Variants in CNR2 observed in about 807,000 individuals in gnomAD.
CNR2 encodes cannabinoid receptor 2 (macrophage).
For missense variants in CNR2, 379 were observed against 439.9 expected (o/e 0.86, Z 1.24); for synonymous variants, 172 against 182.2 (o/e 0.94, Z 0.45).
At chr1:23,888,239 G>A (rs1189072225) in intron 1 of CNR2, among the ~76,000 whole-genome samples, 1 of 152,186 alleles carries the variant, frequency 6.6e-6, no homozygotes, top group Non-Finnish European at 1.5e-5. Flanking sequence ...CCACAACAGA[G>A]ACAGACTTAG....
chr1:23,888,769 G>A (rs1434123467), intron 1 of CNR2, among the ~76,000 whole-genome samples: 3 of 152,084 alleles, frequency 2.0e-5, no homozygotes, highest in Admixed American at 2.0e-4. Context: ...TCAGGAGTTT[G>A]AGACCAGCCT....
intron 1 of CNR2, among the ~76,000 whole-genome samples, chr1:23,883,435 T>C (rs961914274): frequency 6.6e-6 from 1 of 152,252 alleles, no homozygotes; most frequent in African/African-American, 2.4e-5. Context: ...CAATTCTAAA[T>C]GTCCATCAAC....
In CNR2 at chr1:23,874,887, G is replaced by A. The variant is rs201829495; in HGVS notation, c.731C>T (p.Ala244Val). The change falls in exon 2 of 2, where the codon GCC becomes GTC. Residue 244 changes from alanine (A) to valine (V), a missense_variant. Physicochemically the swap from Ala to Val is moderately conservative, Grantham distance 64. Transcript: ENST00000374472. ...MARMRLDVRLAKTLGLVLAVL... is the reference protein window; with the variant it reads ...MARMRLDVRLVKTLGLVLAVL... ...AGCCAACACTAGCCCTAGGGTCTTG[G>A]CCAACCTCACATCCAGCCTCATTCG... 37 of 1,613,992 alleles carry A rather than the reference G, an allele frequency of 2.3e-5. No homozygotes were observed. The highest frequency in any genetic ancestry group is 2.9e-5 in the Non-Finnish European group (34 of 1,179,998).
At chr1:23,876,352 A>G (rs6672499) in intron 1 of CNR2, among the ~76,000 whole-genome samples, 94,949 of 150,310 alleles carry the variant, frequency 0.63, 30,322 homozygotes, top group African/African-American at 0.75. Context: ...GACTACAGGC[A>G]CCCACCACAC....
At chr1:23,888,210 T>C (rs1640122783) in intron 1 of CNR2, among the ~76,000 whole-genome samples, 1 of 152,194 alleles carries the variant, frequency 6.6e-6, no homozygotes. Context: ...CCGTTCGGTC[T>C]CTCTGGTTCC....
rs1384157160 is a variant in CNR2, at chr1:23,872,685, T to A, written c.*1850A>T. 2 of 152,096 alleles carry A rather than the reference T, an allele frequency of 1.3e-5. No individual in the cohort carries two copies. Among genetic ancestry groups the A allele is most frequent in the Admixed American group, 6.6e-5 (1 of 15,234 alleles). 9.4% of individuals were successfully genotyped at this position (152,096 alleles called of 1,614,324 possible). A position where few individuals can be genotyped will look rare whatever the true frequency, so the allele number is the denominator to read the frequency against. On this transcript the variant is annotated 3_prime_UTR_variant, in exon 2 of 2. Transcript: ENST00000374472. ...CTGTAAAATGAAGATAACTAAGACC[T>A]TCTTATTAGGTTGTTGGGAAACATG...
chr1:23,881,018 G>C (rs954921577), intron 1 of CNR2, among the ~76,000 whole-genome samples: 1 of 151,744 alleles, frequency 6.6e-6, no homozygotes, highest in African/African-American at 2.4e-5. Flanking sequence ...GCTTACACCT[G>C]TAATCCCAGC....
In CNR2 at chr1:23,874,623, GCTT is replaced by G. The variant is rs1461776388; in HGVS notation, c.992_994del (p.Glu331del). The stretch of plus-strand genomic sequence containing the variant: ...TGTCTCGGTGACTGAGGATCTCGGG[GCTT>G]CTTCTTTTGCCTCTGACCCAAGGCC... On this transcript the variant is annotated inframe_deletion, in exon 2 of 2. Transcript: ENST00000374472. The G allele has an allele frequency of 1.2e-6, 2 of 1,614,114 alleles. No individual in the cohort carries two copies. The highest frequency in any genetic ancestry group is 2.7e-5 in the African/African-American group (2 of 75,022).
At chr1:23,880,906 TA>T (rs1239763049) in intron 1 of CNR2, among the ~76,000 whole-genome samples, 2 of 149,484 alleles carry the variant, frequency 1.3e-5, no homozygotes, top group Non-Finnish European at 3.0e-5. Flanking sequence ...AATTTAAATA[TA>T]ATTATAAATA....
At chr1:23,909,757 G>A (rs987387246) in intron 1 of CNR2, among the ~76,000 whole-genome samples, 8 of 152,172 alleles carry the variant, frequency 5.3e-5, no homozygotes, top group Admixed American at 1.3e-4. Flanking sequence ...CATCTGAAAC[G>A]CAGCCTGGCG....
At chr1:23,895,515 T>C (rs545631016) in intron 1 of CNR2, among the ~76,000 whole-genome samples, 1 of 152,074 alleles carries the variant, frequency 6.6e-6, no homozygotes, top group East Asian at 1.9e-4. Flanking sequence ...TTTTTTTCTC[T>C]CTCTTTTTTT....
chr1:23,908,441 T>C (rs1330792533), intron 1 of CNR2, among the ~76,000 whole-genome samples: 1 of 152,164 alleles, frequency 6.6e-6, no homozygotes, highest in Non-Finnish European at 1.5e-5. Flanking sequence ...CCACTTATCC[T>C]AGGAAGATCT....
At chr1:23,908,477 A>G (rs1483696452) in intron 1 of CNR2, among the ~76,000 whole-genome samples, 1 of 152,140 alleles carries the variant, frequency 6.6e-6, no homozygotes, top group African/African-American at 2.4e-5. Flanking sequence ...TCTTTTAACT[A>G]TTACAATAAT....
intron 1 of CNR2, among the ~76,000 whole-genome samples, chr1:23,882,798 C>A (rs1395940812): frequency 6.6e-6 from 1 of 152,016 alleles, no homozygotes. Flanking sequence ...CCAGCCTGGA[C>A]AACAGAGCGA....
In CNR2 at chr1:23,884,445, A is replaced by AAT. The variant is rs1427711612; in HGVS notation, c.-45-8784_-45-8783insAT. 4.4e-4 allele frequency among the ~76,000 whole-genome samples: 40 copies of AAT among 90,002 alleles called. No homozygotes were observed. The Admixed American group carries it at 4.8e-3, about 11-fold the overall frequency. 59.0% of individuals were successfully genotyped at this position (90,002 alleles called of 152,430 possible). On this transcript the variant is annotated intron_variant, in intron 1 of 1. Transcript: ENST00000374472. ...CTCAGCCTCCCAAGTAGCTGGGATT[A>AAT]CAGGCACACACCACCACACCTAGCT... is the stretch of plus-strand genomic sequence containing the variant.
intron 1 of CNR2, among the ~76,000 whole-genome samples, chr1:23,890,904 ATTG>A (rs1640180169): frequency 7.7e-6 from 1 of 130,332 alleles, no homozygotes; most frequent in African/African-American, 2.9e-5. Flanking sequence ...TTGAATACAG[ATTG>A]TTGTTCTGTT....
At chr1:23,912,189 C>T (rs1570727359) in intron 1 of CNR2, among the ~76,000 whole-genome samples, 1 of 152,180 alleles carries the variant, frequency 6.6e-6, no homozygotes. Context: ...ATTAGGCCAT[C>T]GAGCTACCAG....
chr1:23,902,642 C>A, intron 1 of CNR2: 1 of 1,598,062 alleles, frequency 6.3e-7, no homozygotes. Flanking sequence ...TGTGGGCGGG[C>A]ACCGTCCTGG....
In CNR2 at chr1:23,875,657, G is replaced by C. The variant is rs201055112; in HGVS notation, c.-40C>G. On this transcript the variant is annotated 5_prime_UTR_variant, in exon 2 of 2. Coordinates refer to ENST00000374472, the MANE Select transcript of CNR2 (RefSeq NM_001841.3). The stretch of plus-strand genomic sequence containing the variant: ...AGATTCCACTGAGCTTGTCTAGAAG[G>C]CTTTGCTGCAGTACAATGAGAAGAA... The C allele has an allele frequency of 1.3e-6, 2 of 1,547,444 alleles. No homozygotes were observed. Among genetic ancestry groups the C allele is most frequent in the Non-Finnish European group, 1.7e-6 (2 of 1,146,854 alleles).
Sources: allele counts gnomAD v4.1 joint callset (sites outside exome capture counted in the v4.1 genomes callset), GRCh38; gene constraint gnomAD v4.1.1; transcripts MANE v1.5; gene names NCBI Gene and HGNC (gene_info 2026-07-23, HGNC 2026-07-21).